The following THEMIS variants were observed in gnomAD, a reference collection of about 807,000 sequenced individuals.
THEMIS encodes protein THEMIS.
In THEMIS, 37 loss-of-function variants were observed where a neutral mutation model predicts 52.6. That is an observed-to-expected ratio of 0.70 (90% CI 0.54 to 0.93). THEMIS has a LOEUF of 0.93. Ranked by LOEUF, THEMIS falls within the 40% of genes least tolerant of loss-of-function variation. THEMIS has a pLI of 0.00. For synonymous variants in THEMIS, 292 were observed against 272.7 expected (o/e 1.07, Z -0.70); for missense variants, 808 against 763.1 (o/e 1.06, Z -0.69).
chr6:127,758,166 A>C (rs952627546), intron 4 of THEMIS, among the ~76,000 whole-genome samples: 3 of 150,980 alleles, frequency 2.0e-5, no homozygotes, highest in Admixed American at 6.6e-5. Flanking sequence ...AATAGAATAA[A>C]AATAAGATGT....
intron 1 of THEMIS, among the ~76,000 whole-genome samples, chr6:127,869,724 A>C (rs774668023): frequency 1.6e-4 from 25 of 152,194 alleles, no homozygotes; most frequent in Non-Finnish European, 2.8e-4. Flanking sequence ...TGGAAATGCC[A>C]GTGGACACAG....
intron 4 of THEMIS, among the ~76,000 whole-genome samples, chr6:127,763,604 AT>A (rs1160735744): frequency 6.6e-6 from 1 of 151,972 alleles, no homozygotes; most frequent in African/African-American, 2.4e-5. Context: ...CTTGCAAATG[AT>A]TGAAAATATG....
intron 3 of THEMIS, among the ~76,000 whole-genome samples, chr6:127,825,203 T>C (rs1778467470): frequency 6.6e-6 from 1 of 151,966 alleles, no homozygotes; most frequent in African/African-American, 2.4e-5. Flanking sequence ...AGTATGAGAT[T>C]TGAAATTAAA....
intron 2 of THEMIS, among the ~76,000 whole-genome samples, chr6:127,834,244 T>C (rs1377456883): frequency 6.6e-6 from 1 of 152,036 alleles, no homozygotes; most frequent in Non-Finnish European, 1.5e-5. Context: ...AGTGAGACTA[T>C]AGAATGCCTG....
chr6:127,730,318 G>GAAAAGAAAAGAAAAGA (rs1456074763), intron 4 of THEMIS, among the ~76,000 whole-genome samples: 5 of 116,958 alleles, frequency 4.3e-5, no homozygotes, highest in African/African-American at 1.5e-4. Context: ...AAAGAAAAGA[G>GAAAAGAAAAGAAAAGA]AAAAAAAGAA....
chr6:127,906,605 AAGG>A (rs888744694), intron 1 of THEMIS, among the ~76,000 whole-genome samples: 2 of 151,924 alleles, frequency 1.3e-5, no homozygotes, highest in Non-Finnish European at 2.9e-5. Context: ...TGACCAAAAA[AAGG>A]AGGAGAAAAG....
intron 4 of THEMIS, among the ~76,000 whole-genome samples, chr6:127,746,638 A>G (rs1171888987): frequency 7.1e-6 from 1 of 140,122 alleles, no homozygotes; most frequent in Non-Finnish European, 1.5e-5. Context: ...AGAAACAATA[A>G]ATGATGAATA....
At chr6:127,917,142 A>G (rs1781543780) in intron 1 of THEMIS, among the ~76,000 whole-genome samples, 1 of 152,206 alleles carries the variant, frequency 6.6e-6, no homozygotes, top group Admixed American at 6.5e-5. Flanking sequence ...AAAGTACTGG[A>G]TTATTCAGTT....
downstream of THEMIS, among the ~76,000 whole-genome samples, chr6:127,706,701 T>C (rs989015856): frequency 2.6e-5 from 4 of 151,944 alleles, no homozygotes; most frequent in Non-Finnish European, 5.9e-5. Context: ...GAAAGACCAA[T>C]AAGAGTTGAG....
chr6:127,879,900 C>T (rs191143212), intron 1 of THEMIS, among the ~76,000 whole-genome samples: 2 of 152,134 alleles, frequency 1.3e-5, no homozygotes, highest in Admixed American at 6.5e-5. Context: ...AATGCGCCCC[C>T]ACCTCGGGCA....
At chr6:127,781,512 C>T (rs897889437) in intron 4 of THEMIS, among the ~76,000 whole-genome samples, 1 of 151,958 alleles carries the variant, frequency 6.6e-6, no homozygotes, top group Non-Finnish European at 1.5e-5. Flanking sequence ...CTGATTTCTC[C>T]CCTTCTTTGT....
upstream of THEMIS, among the ~76,000 whole-genome samples, chr6:127,902,570 C>A (rs142160152): frequency 4.6e-3 from 697 of 152,120 alleles, 3 homozygotes; most frequent in Non-Finnish European, 7.6e-3. Flanking sequence ...GCTTATAAAA[C>A]TGTTTCAACT....
chr6:127,877,147 G>A (rs1030584060), intron 1 of THEMIS, among the ~76,000 whole-genome samples: 5 of 152,118 alleles, frequency 3.3e-5, no homozygotes, highest in African/African-American at 1.2e-4. Flanking sequence ...CTTTTTGCTG[G>A]TAGAGGGTCC....
chr6:127,788,529 C>G (rs892188874), intron 4 of THEMIS, among the ~76,000 whole-genome samples: 1 of 152,148 alleles, frequency 6.6e-6, no homozygotes, highest in Non-Finnish European at 1.5e-5. Flanking sequence ...TTAATTAAAA[C>G]TATCAGAACT....
At chr6:127,743,587 G>T (rs1378411585) in intron 4 of THEMIS, among the ~76,000 whole-genome samples, 1 of 152,170 alleles carries the variant, frequency 6.6e-6, no homozygotes, top group South Asian at 2.1e-4. Flanking sequence ...TGTACAAGTG[G>T]TTTTTTAGTT....
At chr6:127,805,555 T>C (rs998026983) in intron 4 of THEMIS, among the ~76,000 whole-genome samples, 1 of 152,040 alleles carries the variant, frequency 6.6e-6, no homozygotes, top group African/African-American at 2.4e-5. Context: ...TCTTCTTACG[T>C]TTTTTACTTT....
intron 1 of THEMIS, among the ~76,000 whole-genome samples, chr6:127,858,700 C>T (rs1779698795): frequency 6.6e-6 from 1 of 152,036 alleles, no homozygotes; most frequent in Admixed American, 6.6e-5. Flanking sequence ...TATAGACATA[C>T]ATATTAAAAT....
intron 4 of THEMIS, among the ~76,000 whole-genome samples, chr6:127,799,511 A>ATCTT (rs1052785500): frequency 4.1e-4 from 62 of 151,424 alleles, no homozygotes; most frequent in Non-Finnish European, 7.4e-4. Flanking sequence ...CCCATTGGTA[A>ATCTT]TCTTTCTTTC....
chr6:127,787,238 T>C (rs1776980802), intron 4 of THEMIS, among the ~76,000 whole-genome samples: 1 of 152,164 alleles, frequency 6.6e-6, no homozygotes, highest in Admixed American at 6.6e-5. Flanking sequence ...TGTTTATCTT[T>C]GTCTCTTTCC....
Sources: gnomAD v4.1 joint callset for allele counts (sites outside exome capture counted in the v4.1 genomes callset) on GRCh38, gnomAD v4.1.1 for gene constraint, MANE v1.5 for transcripts, NCBI Gene and HGNC (gene_info 2026-07-23, HGNC 2026-07-21) for gene names.